The following SUCLA2 variants were observed in gnomAD, a reference collection of about 807,000 sequenced individuals.
SUCLA2 encodes succinate--CoA ligase [ADP-forming] subunit beta, mitochondrial.
In SUCLA2, 30 loss-of-function variants were observed where a neutral mutation model predicts 54.8. The ratio of observed to expected loss-of-function variants is 0.55; its 90% CI spans 0.41 to 0.74. SUCLA2 has a LOEUF of 0.74. Ranked by LOEUF, SUCLA2 falls within the 30% of genes least tolerant of loss-of-function variation. The pLI is 0.00. For missense variants in SUCLA2, 476 were observed against 562.9 expected, an observed-to-expected ratio of 0.85 and a Z score of 1.56; for synonymous variants, 172 against 188.9, an observed-to-expected ratio of 0.91 and a Z score of 0.74.
In SUCLA2 at chr13:47,997,102, A is replaced by C. The variant is rs569967651; in HGVS notation, c.91-79T>G. The C allele has an allele frequency of 1.2e-4, 175 of 1,431,586 alleles. 1 individual carries two copies. The South Asian group carries it at 1.9e-3, about 16-fold the overall frequency. The allele number at this position is 1,431,586 out of a possible 1,614,324, so 88.7% of individuals were successfully genotyped here. On this transcript the variant is annotated intron_variant, in intron 1 of 10. Transcript: ENST00000646932. ...GCTAACTACTTGGTTCTTCATAACT[A>C]TAACAAAACTGTTACATTACATTAG...
At chr13:47,974,800 AAG>A (rs1354752625) in intron 4 of SUCLA2, among the ~76,000 whole-genome samples, 1 of 152,214 alleles carries the variant, frequency 6.6e-6, no homozygotes, top group Non-Finnish European at 1.5e-5. Context: ...ACATGAAAAA[AAG>A]AGAAATAGTA....
intron 4 of SUCLA2, among the ~76,000 whole-genome samples, chr13:47,974,673 G>A (rs1309205849): frequency 6.6e-6 from 1 of 151,970 alleles, no homozygotes; most frequent in Non-Finnish European, 1.5e-5. Context: ...AATATGAGAA[G>A]GTAAGGTATC....
At chr13:47,995,244 A>G (rs930315874) in intron 2 of SUCLA2, among the ~76,000 whole-genome samples, 1 of 152,182 alleles carries the variant, frequency 6.6e-6, no homozygotes, top group Admixed American at 6.5e-5. Context: ...AACCATTTTT[A>G]CCGACGTAAT....
At chr13:47,975,830 G>A (rs1260416375) in intron 4 of SUCLA2, among the ~76,000 whole-genome samples, 1 of 152,168 alleles carries the variant, frequency 6.6e-6, no homozygotes, top group Non-Finnish European at 1.5e-5. Flanking sequence ...GACTCAGGTG[G>A]GCAATGGCCA....
intron 6 of SUCLA2, 129 bp downstream of exon 6, chr13:47,968,466 G>T: frequency 9.7e-7 from 1 of 1,034,562 alleles, no homozygotes; most frequent in Non-Finnish European, 1.4e-6. Flanking sequence ...CATTCTATCT[G>T]ATTTTTTTTT....
chr13:47,993,824 T>C (rs1020494449), intron 2 of SUCLA2, among the ~76,000 whole-genome samples: 24 of 151,944 alleles, frequency 1.6e-4, no homozygotes, highest in Non-Finnish European at 7.4e-5. Flanking sequence ...TCACCTGAGG[T>C]CGGGAGTTTA....
intron 10 of SUCLA2, among the ~76,000 whole-genome samples, chr13:47,947,841 C>T (rs1949745082): frequency 6.6e-6 from 1 of 152,062 alleles, no homozygotes; most frequent in Non-Finnish European, 1.5e-5. Context: ...TTAACAAGAC[C>T]ATCAACCTGG....
At chr13:47,999,637 G>A (rs1021491533) in intron 1 of SUCLA2, among the ~76,000 whole-genome samples, 1 of 151,986 alleles carries the variant, frequency 6.6e-6, no homozygotes, top group Non-Finnish European at 1.5e-5. Flanking sequence ...AACCCGGGAG[G>A]CGGAGCTTGC....
intron 6 of SUCLA2, among the ~76,000 whole-genome samples, chr13:47,957,259 C>T (rs1949828872): frequency 6.6e-6 from 1 of 152,200 alleles, no homozygotes; most frequent in African/African-American, 2.4e-5. Context: ...CCGATCTCCT[C>T]AGCTGCAGCA....
At chr13:47,992,570 A>G (rs1250605348) in intron 2 of SUCLA2, among the ~76,000 whole-genome samples, 1 of 152,220 alleles carries the variant, frequency 6.6e-6, no homozygotes, top group Non-Finnish European at 1.5e-5. Flanking sequence ...TGTAGATACA[A>G]CAGTGAGTGA....
In SUCLA2 at chr13:47,968,231, T is replaced by C. The variant is rs550160623; in HGVS notation, c.802+364A>G. On this transcript the variant is annotated intron_variant, in intron 6 of 10. Coordinates refer to ENST00000646932, the MANE Select transcript of SUCLA2 (RefSeq NM_003850.3). The stretch of plus-strand genomic sequence containing the variant: ...TAATATGGTAACCACATTTGGCTAT[T>C]GAGTATTTGAACCATGACTAGTGCA... Among the ~76,000 whole-genome samples the C allele has an allele frequency of 2.5e-4, 38 of 152,306 alleles. 1 individual carries two copies. Among genetic ancestry groups the C allele is most frequent in the Admixed American group, 7.2e-4 (11 of 15,296 alleles).
chr13:47,969,936 T>C (rs1435586861), intron 5 of SUCLA2, among the ~76,000 whole-genome samples: 1 of 151,934 alleles, frequency 6.6e-6, no homozygotes, highest in Non-Finnish European at 1.5e-5. Flanking sequence ...ACACTGTCTC[T>C]ATCAAAAATA....
intron 6 of SUCLA2, among the ~76,000 whole-genome samples, chr13:47,957,511 G>A (rs536201291): frequency 1.7e-3 from 254 of 152,218 alleles, no homozygotes; most frequent in African/African-American, 4.9e-3. Flanking sequence ...CACCACAGCC[G>A]GCCCCAACCA....
intron 1 of SUCLA2, among the ~76,000 whole-genome samples, chr13:47,998,173 A>C (rs1950203768): frequency 1.3e-5 from 2 of 152,080 alleles, no homozygotes; most frequent in South Asian, 2.1e-4. Flanking sequence ...GCTACTCCTG[A>C]GACTGAGGCA....
intron 1 of SUCLA2, among the ~76,000 whole-genome samples, chr13:48,000,212 A>T (rs9567971): frequency 0.1 from 15,720 of 151,786 alleles, 902 homozygotes; most frequent in South Asian, 0.18. Context: ...GAGTTACTTC[A>T]GAAAAAAACC....
At chr13:47,958,378 T>C (rs1351666548) in intron 6 of SUCLA2, among the ~76,000 whole-genome samples, 1 of 152,242 alleles carries the variant, frequency 6.6e-6, no homozygotes, top group East Asian at 1.9e-4. Context: ...CATGTCTAGA[T>C]GTGTTTATTT....
At chr13:47,951,432 A>C (rs1001537906) in intron 8 of SUCLA2, among the ~76,000 whole-genome samples, 12 of 151,720 alleles carry the variant, frequency 7.9e-5, no homozygotes, top group Admixed American at 7.3e-4. Context: ...ATGGCTAAGC[A>C]ATTCAGTGTC....
chr13:47,979,781 A>G (rs1803097686), intron 4 of SUCLA2, among the ~76,000 whole-genome samples: 1 of 152,216 alleles, frequency 6.6e-6, no homozygotes, highest in Non-Finnish European at 1.5e-5. Flanking sequence ...TCCTAGACAC[A>G]GAAAACAGGT....
intron 4 of SUCLA2, among the ~76,000 whole-genome samples, chr13:47,975,380 C>T (rs183158070): frequency 2.9e-4 from 44 of 151,838 alleles, no homozygotes; most frequent in Admixed American, 1.2e-3. Flanking sequence ...AAGCTGGTCT[C>T]GAACTCCTGA....
Sources: allele counts gnomAD v4.1 joint callset (sites outside exome capture counted in the v4.1 genomes callset), GRCh38; gene constraint gnomAD v4.1.1; transcripts MANE v1.5; gene names NCBI Gene and HGNC (gene_info 2026-07-23, HGNC 2026-07-21).